Variants in ZMAT4 observed in about 807,000 individuals in gnomAD.
The protein encoded by ZMAT4 is zinc finger matrin-type 4, also known as zinc finger matrin-type protein 4.
In ZMAT4, 17 loss-of-function variants were observed where a neutral mutation model predicts 28.7. That is an observed-to-expected ratio of 0.59 (90% CI 0.41 to 0.89). ZMAT4 has a LOEUF of 0.89. Among genes scored for constraint, ZMAT4 ranks in the 40% least tolerant of loss-of-function variants. The pLI is 0.00. For missense variants in ZMAT4, 240 were observed against 283.8 expected (o/e 0.85, Z 1.11); for synonymous variants, 117 against 109.2 (o/e 1.07, Z -0.44).
At chr8:40,778,108 G>A (rs1249678183) in intron 2 of ZMAT4, among the ~76,000 whole-genome samples, 1 of 152,084 alleles carries the variant, frequency 6.6e-6, no homozygotes, top group African/African-American at 2.4e-5. Context: ...TTTAAACAGA[G>A]CAATAATAGA....
chr8:40,592,057 C>G (rs1585727583), intron 5 of ZMAT4, among the ~76,000 whole-genome samples: 1 of 151,982 alleles, frequency 6.6e-6, no homozygotes, highest in Non-Finnish European at 1.5e-5. Flanking sequence ...AATTTTGAAA[C>G]TGTTATGTGA....
chr8:40,879,469 T>C (rs911394894), intron 1 of ZMAT4, among the ~76,000 whole-genome samples: 27 of 152,200 alleles, frequency 1.8e-4, no homozygotes, highest in Admixed American at 1.4e-3. Context: ...CCCCAAAACA[T>C]TTGTTATTTC....
intron 2 of ZMAT4, among the ~76,000 whole-genome samples, chr8:40,794,464 G>A (rs775543360): frequency 1.2e-4 from 18 of 152,278 alleles, no homozygotes; most frequent in South Asian, 8.3e-4. Context: ...GATGACTCCA[G>A]GCACTCTCTA....
intron 1 of ZMAT4, among the ~76,000 whole-genome samples, chr8:40,866,412 G>A (rs533121887): frequency 5.9e-5 from 9 of 152,330 alleles, no homozygotes; most frequent in South Asian, 4.1e-4. Context: ...CCCCAGGCAC[G>A]TTTCCAACAA....
chr8:40,632,081 G>A (rs1171438070), intron 5 of ZMAT4, among the ~76,000 whole-genome samples: 1 of 152,158 alleles, frequency 6.6e-6, no homozygotes, highest in Non-Finnish European at 1.5e-5. Flanking sequence ...TGGTGAAACA[G>A]AGCCAAAAAT....
chr8:40,757,823 A>C (rs1306200264), intron 3 of ZMAT4, among the ~76,000 whole-genome samples: 1 of 152,056 alleles, frequency 6.6e-6, no homozygotes, highest in Non-Finnish European at 1.5e-5. Flanking sequence ...CATTTGAGTC[A>C]GTGGACTGGG....
chr8:40,790,976 T>C (rs1272969829), intron 2 of ZMAT4, among the ~76,000 whole-genome samples: 1 of 152,166 alleles, frequency 6.6e-6, no homozygotes, highest in Non-Finnish European at 1.5e-5. Context: ...CAGAAAGAGA[T>C]TCACATTTAT....
In ZMAT4 at chr8:40,622,307, T is replaced by A. The variant is rs1362307873; in HGVS notation, c.578-41046A>T. 2.6e-5 allele frequency among the ~76,000 whole-genome samples: 4 copies of A among 152,210 alleles called. No individual in the cohort carries two copies. The East Asian group carries it at 7.7e-4, about 29-fold the overall frequency. ...AGCTTGAATATGTGTGGGTGGCTTG[T>A]GACTTAATGATACAGGAAAAGACCC... On this transcript the variant is annotated intron_variant, in intron 5 of 6. Transcript: ENST00000297737.
intron 5 of ZMAT4, among the ~76,000 whole-genome samples, chr8:40,652,164 A>T (rs1008936646): frequency 8.5e-6 from 1 of 117,290 alleles, no homozygotes; most frequent in Admixed American, 8.7e-5. Flanking sequence ...AATGGGAGAA[A>T]ATTTTTGCTA....
intron 5 of ZMAT4, among the ~76,000 whole-genome samples, chr8:40,604,373 T>C (rs899446816): frequency 6.6e-6 from 1 of 152,216 alleles, no homozygotes; most frequent in African/African-American, 2.4e-5. Context: ...GGACAACTTT[T>C]ATTACCTTAA....
At chr8:40,617,786 C>T (rs547725730) in intron 5 of ZMAT4, among the ~76,000 whole-genome samples, 10 of 152,194 alleles carry the variant, frequency 6.6e-5, no homozygotes, top group Admixed American at 1.3e-4. Context: ...TAGCATTTTA[C>T]GAAGGGCAAG....
chr8:40,855,254 T>C (rs575350124), intron 1 of ZMAT4, among the ~76,000 whole-genome samples: 1 of 152,254 alleles, frequency 6.6e-6, no homozygotes, highest in Admixed American at 6.5e-5. Context: ...GGTTTTACCC[T>C]GCAGAGCTAG....
At chr8:40,811,604 G>A (rs1377249567) in intron 2 of ZMAT4, among the ~76,000 whole-genome samples, 28 of 152,200 alleles carry the variant, frequency 1.8e-4, no homozygotes, top group Non-Finnish European at 4.1e-4. Flanking sequence ...TAAGATGTTT[G>A]TCACAGCATT....
At chr8:40,534,157 C>T (rs1802776783) in intron 6 of ZMAT4, among the ~76,000 whole-genome samples, 1 of 152,014 alleles carries the variant, frequency 6.6e-6, no homozygotes, top group African/African-American at 2.4e-5. Context: ...TCACATTCTT[C>T]CTTTTTATAG....
intron 2 of ZMAT4, among the ~76,000 whole-genome samples, chr8:40,775,680 G>T (rs1424232751): frequency 1.3e-5 from 2 of 152,210 alleles, no homozygotes; most frequent in African/African-American, 2.4e-5. Context: ...CCTGTGATCA[G>T]ATATGCAGGC....
intron 5 of ZMAT4, among the ~76,000 whole-genome samples, chr8:40,616,386 G>C (rs1806006520): frequency 1.3e-5 from 2 of 152,178 alleles, no homozygotes; most frequent in Non-Finnish European, 2.9e-5. Flanking sequence ...CCATTACTGG[G>C]TATATACGCA....
chr8:40,614,517 C>G (rs1200557345), intron 5 of ZMAT4, among the ~76,000 whole-genome samples: 1 of 152,052 alleles, frequency 6.6e-6, no homozygotes, highest in Admixed American at 6.5e-5. Flanking sequence ...CTAATGTTGA[C>G]AGTGGGGTGT....
intron 2 of ZMAT4, among the ~76,000 whole-genome samples, chr8:40,822,070 A>T (rs1307910713): frequency 6.6e-6 from 1 of 152,280 alleles, no homozygotes; most frequent in Non-Finnish European, 1.5e-5. Flanking sequence ...AATGTACAAC[A>T]GGACGCCAAG....
At chr8:40,779,888 C>T (rs1563478917) in intron 2 of ZMAT4, among the ~76,000 whole-genome samples, 1 of 152,128 alleles carries the variant, frequency 6.6e-6, no homozygotes, top group Non-Finnish European at 1.5e-5. Flanking sequence ...GCCAACCCGC[C>T]GGCAACCTGA....
Sources: gnomAD v4.1 joint callset for allele counts (sites outside exome capture counted in the v4.1 genomes callset) on GRCh38, gnomAD v4.1.1 for gene constraint, MANE v1.5 for transcripts, NCBI Gene and HGNC (gene_info 2026-07-23, HGNC 2026-07-21) for gene names.